Variants in ANK3 observed in about 807,000 individuals in gnomAD.
ANK3 encodes ankyrin-3.
ANK3 carries 57 observed loss-of-function variants against 370.9 expected under a neutral mutation model. The observed-to-expected ratio is 0.15, with a 90% CI of 0.12 to 0.19. The LOEUF (loss-of-function observed/expected upper bound fraction) is 0.19. Among genes scored for constraint, ANK3 ranks in the 10% least tolerant of loss-of-function variants. The pLI is 1.00. For missense variants in ANK3, 4,439 were observed against 5,302.1 expected (o/e 0.84, Z 5.06); for synonymous variants, 1,929 against 1,946.3 (o/e 0.99, Z 0.23).
intron 1 of ANK3, among the ~76,000 whole-genome samples, chr10:60,280,890 T>C (rs770382980): frequency 2.2e-4 from 33 of 152,160 alleles, no homozygotes; most frequent in Non-Finnish European, 4.4e-4. Context: ...TTCATTGAAC[T>C]CTCTTCGTAT....
At chr10:60,534,335 A>G (rs898624004) in intron 2 of ANK3, among the ~76,000 whole-genome samples, 1 of 152,056 alleles carries the variant, frequency 6.6e-6, no homozygotes, top group Non-Finnish European at 1.5e-5. Flanking sequence ...AGAACTCCAA[A>G]CGCATTCATG....
chr10:60,067,837 C>T, intron 38 of ANK3, 98 bp downstream of exon 38: 1 of 946,196 alleles, frequency 1.1e-6, no homozygotes, highest in Non-Finnish European at 1.5e-6. Context: ...TTACTAGCTG[C>T]TTGTTTCTAT....
At chr10:60,378,458 A>G (rs1306377637) in intron 1 of ANK3, among the ~76,000 whole-genome samples, 1 of 152,026 alleles carries the variant, frequency 6.6e-6, no homozygotes, top group Admixed American at 6.6e-5. Context: ...CTACAAACCT[A>G]TAGTAGCCAA....
Position 60,159,217 on chromosome 10 carries a change from T to C in ANK3, c.2614+7374A>G, listed in dbSNP as rs944962658. 9.2e-4 allele frequency among the ~76,000 whole-genome samples: 114 copies of C among 123,364 alleles called. 1 individual carries two copies. The highest frequency in any genetic ancestry group is 3.2e-3 in the African/African-American group (101 of 31,794). The allele number at this position is 123,364 out of a possible 152,430, so 80.9% of individuals were successfully genotyped here. A position where few individuals can be genotyped will look rare whatever the true frequency, so the allele number is the denominator to read the frequency against. ...AACTCACTTTACCTATAAAGACACA[T>C]ACAGGCTAAAATAAAGGATATTCCA... On this transcript the variant is annotated intron_variant, in intron 23 of 43. Coordinates refer to ENST00000280772, the MANE Select transcript of ANK3 (RefSeq NM_020987.5).
At chr10:60,251,812 G>T (rs1018104968) in intron 7 of ANK3, among the ~76,000 whole-genome samples, 5 of 152,164 alleles carry the variant, frequency 3.3e-5, no homozygotes, top group Non-Finnish European at 7.4e-5. Context: ...TTAAAGACCT[G>T]CAATAAGTAA....
chr10:60,385,496 T>C (rs1031302644), intron 1 of ANK3, among the ~76,000 whole-genome samples: 14 of 152,096 alleles, frequency 9.2e-5, no homozygotes, highest in Admixed American at 7.2e-4. Context: ...TATGCTTTGA[T>C]TGGCTTTGTC....
At position 60,128,212 on chromosome 10, in the gene ANK3, T is replaced by C. The variant is rs368088309; in HGVS notation, c.2841+6059A>G. On this transcript the variant is annotated intron_variant, in intron 25 of 43. Coordinates refer to ENST00000280772, the MANE Select transcript of ANK3 (RefSeq NM_020987.5). ...AAATCCTGGAGGAGAGACTATAAATTACGTGGACTCCTCAAGGGCCTTTTT... is the reference window on the plus strand; with the variant it reads ...AAATCCTGGAGGAGAGACTATAAATCACGTGGACTCCTCAAGGGCCTTTTT... Among the ~76,000 whole-genome samples the C allele has an allele frequency of 6.1e-4, 93 of 152,142 alleles. No individual in the cohort carries two copies. In the South Asian group the frequency reaches 0.019, roughly 31 times the overall value.
At chr10:60,591,975 G>GA (rs2077921880) in intron 2 of ANK3, among the ~76,000 whole-genome samples, 1 of 152,042 alleles carries the variant, frequency 6.6e-6, no homozygotes, top group Non-Finnish European at 1.5e-5. Flanking sequence ...TAATGGGTAC[G>GA]AAAAAATAGA....
intron 1 of ANK3, among the ~76,000 whole-genome samples, chr10:60,695,311 A>C (rs1174000678): frequency 1.3e-5 from 2 of 151,982 alleles, no homozygotes; most frequent in Non-Finnish European, 2.9e-5. Context: ...GGGAGACTTT[A>C]ACACCCCACT....
chr10:60,059,596 C>T, intron 40 of ANK3, 166 bp from the exon 41 acceptor site: 5 of 1,381,252 alleles, frequency 3.6e-6, no homozygotes, highest in Non-Finnish European at 5.0e-6. Flanking sequence ...CCAGATTTTC[C>T]TTTCTCCTGC....
At chr10:60,337,958 A>G (rs2053406248) in intron 1 of ANK3, among the ~76,000 whole-genome samples, 1 of 152,136 alleles carries the variant, frequency 6.6e-6, no homozygotes, top group Non-Finnish European at 1.5e-5. Context: ...ATGACATTTC[A>G]TTTGGCTCCA....
At position 60,071,477 on chromosome 10, in the gene ANK3, G is replaced by C; in HGVS notation, c.9404C>G (p.Thr3135Ser). 1 of 1,613,944 alleles carries C rather than the reference G, an allele frequency of 6.2e-7. No homozygotes were observed. The highest frequency in any genetic ancestry group is 8.5e-7 in the Non-Finnish European group (1 of 1,179,944). Residue 3135 changes from threonine (T) to serine (S), a missense_variant, in exon 37 of 44, where the codon ACT becomes AGT. Physicochemically the swap from Thr to Ser is moderately conservative, Grantham distance 58. Coordinates refer to ENST00000280772, the MANE Select transcript of ANK3 (RefSeq NM_020987.5). ...VQETRGTFYT[T>S]RQQKQPPSPQ... is the part of the protein sequence containing the mutation. ...AGAAGGAGGTTGCTTTTGCTGTCTA[G>C]TTGTATAAAAGGTCCCCCTGGTTTC...
At chr10:60,647,096 T>C (rs1275099971) in intron 1 of ANK3, among the ~76,000 whole-genome samples, 1 of 152,172 alleles carries the variant, frequency 6.6e-6, no homozygotes, top group African/African-American at 2.4e-5. Flanking sequence ...AAAACACTGA[T>C]GAGCAAGTAG....
intron 17 of ANK3, among the ~76,000 whole-genome samples, chr10:60,182,392 G>C (rs1196073112): frequency 6.6e-6 from 1 of 152,050 alleles, no homozygotes; most frequent in Non-Finnish European, 1.5e-5. Flanking sequence ...CAGAACACAT[G>C]GTTGCTCTCA....
At chr10:60,285,716 T>G (rs1856828) in intron 1 of ANK3, among the ~76,000 whole-genome samples, 2,489 of 152,214 alleles carry the variant, frequency 0.016, 28 homozygotes, top group Non-Finnish European at 0.024. Context: ...GTGCTCATCC[T>G]CACCCCAAGA....
intron 38 of ANK3, among the ~76,000 whole-genome samples, chr10:60,066,961 C>T (rs1236995591): frequency 2.0e-5 from 3 of 151,964 alleles, no homozygotes; most frequent in African/African-American, 7.3e-5. Flanking sequence ...ACGCTATTAC[C>T]CAGACTGGAG....
chr10:60,428,789 A>C (rs1758487249), intron 2 of ANK3, among the ~76,000 whole-genome samples: 1 of 152,228 alleles, frequency 6.6e-6, no homozygotes, highest in African/African-American at 2.4e-5. Flanking sequence ...CTTGGGGACC[A>C]CATCTACTTG....
upstream of ANK3, among the ~76,000 whole-genome samples, chr10:60,390,113 A>G (rs377102973): frequency 5.3e-5 from 8 of 152,346 alleles, no homozygotes; most frequent in South Asian, 6.2e-4. Flanking sequence ...TGGTGACAAA[A>G]TATATAAAAT....
intron 1 of ANK3, among the ~76,000 whole-genome samples, chr10:60,299,843 TTA>T (rs1202734857): frequency 6.6e-6 from 1 of 152,206 alleles, no homozygotes; most frequent in Non-Finnish European, 1.5e-5. Flanking sequence ...CATCTACCAT[TTA>T]TATGAGTTTC....
Sources: gnomAD v4.1 joint callset for allele counts (sites outside exome capture counted in the v4.1 genomes callset) on GRCh38, gnomAD v4.1.1 for gene constraint, MANE v1.5 for transcripts, NCBI Gene and HGNC (gene_info 2026-07-23, HGNC 2026-07-21) for gene names.